Variants in SUCLG2 observed in about 807,000 individuals in gnomAD.
SUCLG2 encodes succinate-CoA ligase GDP-forming subunit beta.
A neutral mutation model predicts 47.9 loss-of-function variants in SUCLG2; 42 were observed. That is an observed-to-expected ratio of 0.88 (90% CI 0.69 to 1.14). SUCLG2 has a LOEUF of 1.14. SUCLG2 is among the 50% of genes most tolerant of loss of function. The pLI, the probability that SUCLG2 is intolerant of heterozygous loss-of-function variation, is 0.00. For missense variants in SUCLG2, 571 were observed against 525.9 expected (o/e 1.09, Z -0.84); for synonymous variants, 195 against 197.3 (o/e 0.99, Z 0.10).
intron 2 of SUCLG2, among the ~76,000 whole-genome samples, chr3:67,585,983 A>C (rs1708006721): frequency 2.1e-5 from 1 of 46,726 alleles, no homozygotes; most frequent in African/African-American, 5.0e-5. Context: ...AAAAAAAAAA[A>C]AAAAAAAACC....
intron 6 of SUCLG2, among the ~76,000 whole-genome samples, chr3:67,511,245 C>G (rs1201370449): frequency 6.6e-6 from 1 of 152,132 alleles, no homozygotes; most frequent in South Asian, 2.1e-4. Flanking sequence ...TGAAAATTAT[C>G]AGAGACACTA....
intron 9 of SUCLG2, among the ~76,000 whole-genome samples, chr3:67,453,144 T>C (rs1009498286): frequency 2.0e-5 from 3 of 152,178 alleles, no homozygotes; most frequent in African/African-American, 7.2e-5. Context: ...ATATCAAATA[T>C]TATGATTTTT....
intron 2 of SUCLG2, among the ~76,000 whole-genome samples, chr3:67,536,148 C>T (rs1302183720): frequency 2.0e-5 from 3 of 152,206 alleles, no homozygotes; most frequent in African/African-American, 4.8e-5. Flanking sequence ...GCCAGAACAG[C>T]TCTTGGTGTG....
chr3:67,392,896 C>G (rs1354445160), intron 10 of SUCLG2, among the ~76,000 whole-genome samples: 2 of 151,956 alleles, frequency 1.3e-5, no homozygotes, highest in Admixed American at 6.6e-5. Flanking sequence ...CTTGCTGCAG[C>G]CTTGAACTCC....
At chr3:67,650,658 G>A (rs542419781) in intron 1 of SUCLG2, among the ~76,000 whole-genome samples, 6 of 152,226 alleles carry the variant, frequency 3.9e-5, no homozygotes, top group South Asian at 2.1e-4. Context: ...TCAGGAAGCC[G>A]AGGCAGGAGA....
intron 10 of SUCLG2, 143 bp from the exon 11 acceptor site, chr3:67,376,002 C>T: frequency 1.4e-6 from 2 of 1,384,520 alleles, no homozygotes; most frequent in Non-Finnish European, 1.9e-6. Flanking sequence ...AGGTCACTGA[C>T]AGAAAAGATT....
intron 1 of SUCLG2, among the ~76,000 whole-genome samples, chr3:67,614,004 G>A (rs1238571129): frequency 6.6e-6 from 1 of 152,194 alleles, no homozygotes; most frequent in Admixed American, 6.5e-5. Context: ...GGGAGGTGGA[G>A]ATGTGAATAG....
chr3:67,450,947 C>T (rs755038625), intron 9 of SUCLG2, among the ~76,000 whole-genome samples: 2 of 152,194 alleles, frequency 1.3e-5, no homozygotes, highest in Non-Finnish European at 2.9e-5. Flanking sequence ...GTATGTCCAT[C>T]AGGTAGCGTT....
At chr3:67,397,386 G>T (rs1164874095) in intron 10 of SUCLG2, among the ~76,000 whole-genome samples, 3 of 151,300 alleles carry the variant, frequency 2.0e-5, no homozygotes, top group African/African-American at 7.3e-5. Flanking sequence ...ATAACAGACA[G>T]AGAGCCAAAT....
intron 2 of SUCLG2, among the ~76,000 whole-genome samples, chr3:67,565,082 TCTTAA>T (rs1288589320): frequency 2.0e-5 from 3 of 152,234 alleles, no homozygotes; most frequent in Non-Finnish European, 2.9e-5. Flanking sequence ...CTCAATCAAG[TCTTAA>T]CTTAAATAGT....
intron 1 of SUCLG2, among the ~76,000 whole-genome samples, chr3:67,625,287 G>A (rs1425421334): frequency 6.6e-6 from 1 of 152,164 alleles, no homozygotes; most frequent in African/African-American, 2.4e-5. Context: ...TTTATTCACA[G>A]GTGACCTCTG....
At chr3:67,385,323 A>G (rs1309578366) in intron 10 of SUCLG2, among the ~76,000 whole-genome samples, 1 of 152,196 alleles carries the variant, frequency 6.6e-6, no homozygotes, top group Non-Finnish European at 1.5e-5. Flanking sequence ...ACCACTGCCT[A>G]GAGTGGGGCA....
At chr3:67,418,889 C>A (rs551638823) in intron 9 of SUCLG2, among the ~76,000 whole-genome samples, 2 of 152,122 alleles carry the variant, frequency 1.3e-5, no homozygotes, top group East Asian at 3.9e-4. Context: ...AGAGAATTAT[C>A]TAGTCGGGAA....
At chr3:67,407,566 T>A (rs1243505131) in intron 9 of SUCLG2, among the ~76,000 whole-genome samples, 3 of 152,268 alleles carry the variant, frequency 2.0e-5, no homozygotes, top group Non-Finnish European at 4.4e-5. Flanking sequence ...GTAAGCCAGC[T>A]ACTTTGCAAA....
intron 6 of SUCLG2, among the ~76,000 whole-genome samples, chr3:67,516,953 CAGG>C (rs1705961986): frequency 1.3e-5 from 2 of 152,298 alleles, no homozygotes; most frequent in South Asian, 4.2e-4. Context: ...TCCTCATTCT[CAGG>C]AGGTGAAACC....
At chr3:67,622,771 A>G (rs1292526148) in intron 1 of SUCLG2, among the ~76,000 whole-genome samples, 1 of 152,244 alleles carries the variant, frequency 6.6e-6, no homozygotes, top group Admixed American at 6.5e-5. Context: ...TGAGATTATG[A>G]CAGGCCAAAA....
intron 9 of SUCLG2, among the ~76,000 whole-genome samples, chr3:67,417,070 G>A (rs60728642): frequency 7.6e-4 from 115 of 151,942 alleles, no homozygotes; most frequent in Admixed American, 2.5e-3. Flanking sequence ...CAGAGGATAA[G>A]AAAGATGAGT....
chr3:67,430,898 T>C (rs1456090392), intron 9 of SUCLG2, among the ~76,000 whole-genome samples: 2 of 151,870 alleles, frequency 1.3e-5, no homozygotes, highest in Non-Finnish European at 2.9e-5. Context: ...CAAGACTAAA[T>C]CAGGAAGAAG....
chr3:67,441,225 A>C (rs575168092), intron 9 of SUCLG2, among the ~76,000 whole-genome samples: 4 of 152,010 alleles, frequency 2.6e-5, no homozygotes, highest in African/African-American at 9.6e-5. Flanking sequence ...GGGGCCTGTC[A>C]GGGGCTGGGG....
Sources: allele counts gnomAD v4.1 joint callset (sites outside exome capture counted in the v4.1 genomes callset), GRCh38; gene constraint gnomAD v4.1.1; transcripts MANE v1.5; gene names NCBI Gene and HGNC (gene_info 2026-07-23, HGNC 2026-07-21).